The following HHIP variants were observed in gnomAD, a reference collection of about 807,000 sequenced individuals.
HHIP encodes the protein hedgehog-interacting protein.
Under a neutral mutation model 74.0 loss-of-function variants are expected in HHIP, and 12 were observed. The ratio of observed to expected loss-of-function variants is 0.16; its 90% CI spans 0.10 to 0.26. HHIP has a LOEUF of 0.26. Ranked by LOEUF, HHIP falls within the 10% of genes least tolerant of loss-of-function variation. The probability of loss-of-function intolerance (pLI) is 1.00; values close to 1 mark genes in which losing one functional copy is unlikely to be tolerated. For missense variants in HHIP, 788 were observed against 845.0 expected (o/e 0.93, Z 0.84); for synonymous variants, 309 against 311.6 (o/e 0.99, Z 0.09).
In HHIP at chr4:144,742,451, A is replaced by G. The variant is rs1411610369; in HGVS notation, c.*4494A>G. Reference sequence around the variant, plus strand: ...TGGAGAATAACACTGGGGTTAGCTAACAGCAGGGAAAGTTAGTAGCTATTT... The same window carrying G: ...TGGAGAATAACACTGGGGTTAGCTAGCAGCAGGGAAAGTTAGTAGCTATTT... On this transcript the variant is annotated 3_prime_UTR_variant, in exon 13 of 13. Coordinates refer to ENST00000296575, the MANE Select transcript of HHIP (RefSeq NM_022475.3). 6.6e-6 allele frequency: 1 copy of G among 152,184 alleles called. No homozygotes were observed. Among genetic ancestry groups the G allele is most frequent in the East Asian group, 1.9e-4 (1 of 5,196 alleles). 9.4% of individuals were successfully genotyped at this position (152,184 alleles called of 1,614,324 possible).
intron 4 of HHIP, among the ~76,000 whole-genome samples, chr4:144,666,259 G>A (rs1366299882): frequency 4.6e-5 from 3 of 65,182 alleles, no homozygotes; most frequent in East Asian, 8.3e-4. Context: ...GTGTGTGTGT[G>A]TGTGTGTGTG....
At chr4:144,704,773 C>G (rs1017563071) in intron 4 of HHIP, among the ~76,000 whole-genome samples, 1 of 152,124 alleles carries the variant, frequency 6.6e-6, no homozygotes, top group Non-Finnish European at 1.5e-5. Flanking sequence ...GAAATCCCAC[C>G]CTCGGGCCTC....
At chr4:144,730,493 A>G (rs186235605) in intron 11 of HHIP, among the ~76,000 whole-genome samples, 1 of 152,292 alleles carries the variant, frequency 6.6e-6, no homozygotes, top group East Asian at 1.9e-4. Context: ...TTCATTTAGT[A>G]AAGTGAAGGT....
chr4:144,652,321 A>G (rs529390210), intron 1 of HHIP, among the ~76,000 whole-genome samples: 2 of 152,148 alleles, frequency 1.3e-5, no homozygotes, highest in East Asian at 1.9e-4. Flanking sequence ...GTCTAAATAT[A>G]ATTGCCTTTT....
At chr4:144,698,952 G>A (rs1274421368) in intron 4 of HHIP, among the ~76,000 whole-genome samples, 1 of 152,102 alleles carries the variant, frequency 6.6e-6, no homozygotes, top group Non-Finnish European at 1.5e-5. Flanking sequence ...AAGAGAATGG[G>A]CTAAGTAACC....
At position 144,739,422 on chromosome 4, in the gene HHIP, G is replaced by C. The variant is rs550863617; in HGVS notation, c.*1465G>C. On this transcript the variant is annotated 3_prime_UTR_variant, in exon 13 of 13. Coordinates refer to ENST00000296575, the MANE Select transcript of HHIP (RefSeq NM_022475.3). ...AGAATCTAAATTGTAGAGCAGTATA[G>C]ATTATGCAGCGCCAGCTGACTTTCT... The C allele has an allele frequency of 7.2e-5, 11 of 152,208 alleles. No homozygotes were observed. The highest frequency in any genetic ancestry group is 1.6e-4 in the Non-Finnish European group (11 of 68,030). The allele number at this position is 152,208 out of a possible 1,614,324, so 9.4% of individuals were successfully genotyped here. A position where few individuals can be genotyped will look rare whatever the true frequency, so the allele number is the denominator to read the frequency against.
chr4:144,742,998 A>AC lies in HHIP; in HGVS notation c.*5041_*5042insC, dbSNP rs1407243219. On this transcript the variant is annotated 3_prime_UTR_variant, in exon 13 of 13. Transcript: ENST00000296575. ...ATATATATATACATTATATATATAT[A>AC]ATATATATATATTATATATATATAA... 0.05 allele frequency: 35 copies of AC among 696 alleles called. No homozygotes were observed. The highest frequency in any genetic ancestry group is 0.35 in the South Asian group (16 of 46). 0.0% of individuals were successfully genotyped at this position (696 alleles called of 1,614,324 possible).
chr4:144,711,377 G>T (rs1730298043), intron 7 of HHIP, among the ~76,000 whole-genome samples: 1 of 152,052 alleles, frequency 6.6e-6, no homozygotes, highest in Non-Finnish European at 1.5e-5. Flanking sequence ...GAACTTGCAG[G>T]TTTCTTACAT....
At position 144,701,278 on chromosome 4, in the gene HHIP, G is replaced by T. The variant is rs17019634; in HGVS notation, c.832-5253G>T. 6.2e-3 allele frequency among the ~76,000 whole-genome samples: 938 copies of T among 151,026 alleles called. 9 individuals are homozygous for T. Among genetic ancestry groups the T allele is most frequent in the African/African-American group, 0.022 (911 of 41,188 alleles). On this transcript the variant is annotated intron_variant, in intron 4 of 12. Transcript: ENST00000296575. ...TGGTCTTACTGTTTGTAGAAACTCC[G>T]CTTACTTCTTCATGTAAGTTTTTAT...
At chr4:144,660,608 A>C (rs1241115057) in intron 4 of HHIP, among the ~76,000 whole-genome samples, 1 of 151,340 alleles carries the variant, frequency 6.6e-6, no homozygotes, top group African/African-American at 2.4e-5. Context: ...CTGAAGGAGG[A>C]TTTATAGTCT....
Position 144,714,324 on chromosome 4 carries a change from G to A in HHIP, c.1523G>A (p.Ser508Asn). The A allele has an allele frequency of 1.2e-6, 2 of 1,613,428 alleles. No individual in the cohort carries two copies. Among genetic ancestry groups the A allele is most frequent in the Non-Finnish European group, 1.7e-6 (2 of 1,179,580 alleles). Residue 508 changes from serine (S) to asparagine (N), a missense_variant, in exon 9 of 13, where the codon AGC becomes AAC. Physicochemically the swap from Ser to Asn is conservative, Grantham distance 46. Coordinates refer to ENST00000296575, the MANE Select transcript of HHIP (RefSeq NM_022475.3). ...TGCCAGTCAGAAAGATTGTATGGAA[G>A]CTACGTGTTTGGAGATCGTAATGGG... is the stretch of plus-strand genomic sequence containing the variant. ...RGCQSERLYG[S>N]YVFGDRNGNF...
chr4:144,676,836 A>C (rs1279770884), intron 4 of HHIP, among the ~76,000 whole-genome samples: 2 of 152,216 alleles, frequency 1.3e-5, no homozygotes, highest in African/African-American at 4.8e-5. Flanking sequence ...GGTATAACCA[A>C]AGTCTTGGAG....
At chr4:144,731,044 T>C (rs1730941447) in intron 11 of HHIP, among the ~76,000 whole-genome samples, 1 of 152,190 alleles carries the variant, frequency 6.6e-6, no homozygotes, top group Non-Finnish European at 1.5e-5. Context: ...AGAATGAGTA[T>C]AACTGTACCT....
intron 11 of HHIP, among the ~76,000 whole-genome samples, chr4:144,723,885 T>C (rs1247755002): frequency 6.6e-6 from 1 of 152,218 alleles, no homozygotes; most frequent in Non-Finnish European, 1.5e-5. Flanking sequence ...ATTTTCCACA[T>C]TTTTGCTATC....
chr4:144,670,962 G>A (rs913258089), intron 4 of HHIP, among the ~76,000 whole-genome samples: 2 of 151,966 alleles, frequency 1.3e-5, no homozygotes, highest in African/African-American at 2.4e-5. Flanking sequence ...CTGAACCGAC[G>A]TCCCTCCACA....
intron 11 of HHIP, among the ~76,000 whole-genome samples, chr4:144,722,013 T>C (rs960145295): frequency 1.3e-5 from 2 of 151,948 alleles, no homozygotes; most frequent in Non-Finnish European, 2.9e-5. Context: ...AACAGTCACA[T>C]CTTATGGCAG....
chr4:144,730,419 T>C (rs1244261213), intron 11 of HHIP, among the ~76,000 whole-genome samples: 3 of 152,194 alleles, frequency 2.0e-5, no homozygotes, highest in African/African-American at 7.2e-5. Context: ...AGGCTAGATA[T>C]ATTCTTTTTT....
At chr4:144,706,454 C>A in intron 4 of HHIP, 77 bp from the exon 5 acceptor site, 2 of 1,195,438 alleles carry the variant, frequency 1.7e-6, no homozygotes, top group Non-Finnish European at 1.1e-6. Context: ...GAAAGAGACT[C>A]TTTTGGGGTT....
chr4:144,680,447 G>A (rs1048235294), intron 4 of HHIP, among the ~76,000 whole-genome samples: 5 of 152,130 alleles, frequency 3.3e-5, no homozygotes, highest in African/African-American at 9.7e-5. Flanking sequence ...CTAGCTAGAG[G>A]ATTGTTACCA....
Sources: allele counts gnomAD v4.1 joint callset (sites outside exome capture counted in the v4.1 genomes callset), GRCh38; gene constraint gnomAD v4.1.1; transcripts MANE v1.5; gene names NCBI Gene and HGNC (gene_info 2026-07-23, HGNC 2026-07-21).